The following STAG1 variants were observed in gnomAD, a reference collection of about 807,000 sequenced individuals.
The protein encoded by STAG1 is STAG1 cohesin complex component.
In STAG1, 26 loss-of-function variants were observed where a neutral mutation model predicts 170.9. The observed-to-expected ratio is 0.15, with a 90% CI of 0.11 to 0.21. STAG1 has a LOEUF of 0.21. Ranked by LOEUF, STAG1 falls within the 10% of genes least tolerant of loss-of-function variation. The pLI is 1.00. For missense variants in STAG1, 964 were observed against 1,509.5 expected (o/e 0.64, Z 5.99); for synonymous variants, 514 against 497.7 (o/e 1.03, Z -0.44).
At chr3:136,361,947 TA>T (rs1217421061) in intron 26 of STAG1, among the ~76,000 whole-genome samples, 4 of 151,714 alleles carry the variant, frequency 2.6e-5, no homozygotes, top group Non-Finnish European at 4.4e-5. Context: ...TATATATAAT[TA>T]ATGCTTCTTT....
rs772111052 is a variant in STAG1, at chr3:136,518,425, G to C, written c.676+2788C>G. 43 of 699,426 alleles carry C rather than the reference G, an allele frequency of 6.1e-5. 1 individual carries two copies. The Middle Eastern group carries it at 1.6e-3, about 26-fold the overall frequency. The allele number at this position is 699,426 out of a possible 1,614,324, so 43.3% of individuals were successfully genotyped here. On this transcript the variant is annotated intron_variant, in intron 7 of 33. Coordinates refer to ENST00000383202, the MANE Select transcript of STAG1 (RefSeq NM_005862.3). ...GTCCCCAAGACTTGTCCTGCAAAGT[G>C]AATAAAAATGATTATCTTTTAATCT...
At chr3:136,628,257 A>G (rs1450746677) in intron 2 of STAG1, among the ~76,000 whole-genome samples, 2 of 152,192 alleles carry the variant, frequency 1.3e-5, no homozygotes, top group Non-Finnish European at 2.9e-5. Flanking sequence ...AGGCCTCGCC[A>G]GCCATGCCAT....
chr3:136,735,135 G>A (rs1444735786), intron 1 of STAG1, among the ~76,000 whole-genome samples: 1 of 150,180 alleles, frequency 6.7e-6, no homozygotes, highest in East Asian at 1.9e-4. Context: ...TTTTTTTTTG[G>A]AGATGGACTT....
intron 13 of STAG1, among the ~76,000 whole-genome samples, chr3:136,464,572 A>C (rs2089397425): frequency 6.6e-6 from 1 of 152,130 alleles, no homozygotes; most frequent in African/African-American, 2.4e-5. Context: ...TTAAAGAAAA[A>C]ACTAGTGTGA....
chr3:136,721,843 G>T (rs565459608), intron 1 of STAG1, among the ~76,000 whole-genome samples: 2 of 151,850 alleles, frequency 1.3e-5, no homozygotes, highest in South Asian at 2.1e-4. Context: ...AGAATGGCAT[G>T]AACCCGGGAG....
chr3:136,581,536 G>C (rs1000617592), intron 4 of STAG1, among the ~76,000 whole-genome samples: 1 of 152,160 alleles, frequency 6.6e-6, no homozygotes, highest in African/African-American at 2.4e-5. Flanking sequence ...GTATTTAAAT[G>C]ATGACCCTCA....
At chr3:136,714,971 T>C (rs1185513905) in intron 1 of STAG1, among the ~76,000 whole-genome samples, 3 of 108,878 alleles carry the variant, frequency 2.8e-5, no homozygotes, top group Non-Finnish European at 6.2e-5. Flanking sequence ...ATATTTTATA[T>C]ATATATTTTT....
chr3:136,664,432 GCATTCCA>G (rs1206433359), intron 1 of STAG1, among the ~76,000 whole-genome samples: 2 of 152,138 alleles, frequency 1.3e-5, no homozygotes, highest in Non-Finnish European at 2.9e-5. Context: ...AGACACTAAA[GCATTCCA>G]CTCCCAAAAT....
At position 136,667,177 on chromosome 3, in the gene STAG1, A is replaced by T. The variant is rs577472965; in HGVS notation, c.-83-36196T>A. On this transcript the variant is annotated intron_variant, in intron 1 of 33. Transcript: ENST00000383202. ...TAACATCACCAGTAAACAAAAATTTAAAAATGGAGGAGAAAAGGTAAAAGA... is the reference window on the plus strand; with the variant it reads ...TAACATCACCAGTAAACAAAAATTTTAAAATGGAGGAGAAAAGGTAAAAGA... 2.4e-4 allele frequency among the ~76,000 whole-genome samples: 36 copies of T among 152,350 alleles called. 1 individual carries two copies. The highest frequency in any genetic ancestry group is 5.1e-4 in the African/African-American group (21 of 41,584).
At chr3:136,553,973 T>TA (rs1278406179) in intron 5 of STAG1, among the ~76,000 whole-genome samples, 2 of 151,474 alleles carry the variant, frequency 1.3e-5, no homozygotes, top group Non-Finnish European at 2.9e-5. Flanking sequence ...CAGACTGAAT[T>TA]AAAAAAATAC....
chr3:136,644,266 C>G (rs1285616546), intron 1 of STAG1, among the ~76,000 whole-genome samples: 1 of 152,144 alleles, frequency 6.6e-6, no homozygotes, highest in Non-Finnish European at 1.5e-5. Flanking sequence ...ATTCCCCCAA[C>G]AGAAGGTTTT....
At chr3:136,515,020 C>G (rs1229796746) in intron 7 of STAG1, among the ~76,000 whole-genome samples, 1 of 152,014 alleles carries the variant, frequency 6.6e-6, no homozygotes, top group African/African-American at 2.4e-5. Flanking sequence ...TGTAACAAAC[C>G]TGCACATTGT....
intron 23 of STAG1, among the ~76,000 whole-genome samples, chr3:136,373,249 A>G (rs1335779013): frequency 1.3e-5 from 2 of 151,420 alleles, no homozygotes; most frequent in African/African-American, 4.9e-5. Context: ...TTTCTTCTTT[A>G]TTAGTCTTGC....
rs754781705 is a variant in STAG1, at chr3:136,337,283, T to G, written c.*971A>C. ...ACACTTAAAATTACTTTTGAATGAT[T>G]GATAAAGGATTTCTTCATGATTGAT... On this transcript the variant is annotated 3_prime_UTR_variant, in exon 34 of 34. Coordinates refer to ENST00000383202, the MANE Select transcript of STAG1 (RefSeq NM_005862.3). 1.3e-5 allele frequency: 2 copies of G among 152,616 alleles called. No individual in the cohort carries two copies. Among genetic ancestry groups the G allele is most frequent in the Non-Finnish European group, 2.9e-5 (2 of 68,022 alleles). The allele number at this position is 152,616 out of a possible 1,614,324, so 9.5% of individuals were successfully genotyped here.
chr3:136,389,925 G>A (rs1282345370), intron 22 of STAG1, among the ~76,000 whole-genome samples: 5 of 150,698 alleles, frequency 3.3e-5, no homozygotes, highest in East Asian at 2.0e-4. Context: ...TCTGCCTCCC[G>A]GGTTCCAGCG....
chr3:136,639,710 T>C (rs540102542), intron 1 of STAG1, among the ~76,000 whole-genome samples: 4 of 152,312 alleles, frequency 2.6e-5, no homozygotes, highest in African/African-American at 9.6e-5. Flanking sequence ...TATAGCCCCA[T>C]GATTTTCATA....
At position 136,712,372 on chromosome 3, in the gene STAG1, TACAGAATGGGAGAAG is replaced by T. The variant is rs564058494; in HGVS notation, c.-84+39808_-84+39822del. Among the ~76,000 whole-genome samples the T allele has an allele frequency of 2.3e-4, 35 of 152,194 alleles. No homozygotes were observed. In the South Asian group the frequency reaches 6.8e-3, roughly 30 times the overall value. Reference sequence around the variant, plus strand: ...ATATAAAAAGGCACCACAGGCAAACTACAGAATGGGAGAAGACATAAGTAACCTACTTAAACTGAC... The same window carrying T: ...ATATAAAAAGGCACCACAGGCAAACTACATAAGTAACCTACTTAAACTGAC... On this transcript the variant is annotated intron_variant, in intron 1 of 33. Coordinates refer to ENST00000383202, the MANE Select transcript of STAG1 (RefSeq NM_005862.3).
At chr3:136,505,999 A>G (rs1057437469) in intron 7 of STAG1, among the ~76,000 whole-genome samples, 1 of 152,190 alleles carries the variant, frequency 6.6e-6, no homozygotes, top group Non-Finnish European at 1.5e-5. Context: ...AGGAAGGAAG[A>G]GGCCAGATTA....
intron 12 of STAG1, among the ~76,000 whole-genome samples, chr3:136,466,855 T>C (rs923892400): frequency 6.6e-6 from 1 of 152,204 alleles, no homozygotes; most frequent in Non-Finnish European, 1.5e-5. Context: ...CATCCAACAT[T>C]CTTCAAGAAA....
Sources: gnomAD v4.1 joint callset for allele counts (sites outside exome capture counted in the v4.1 genomes callset) on GRCh38, gnomAD v4.1.1 for gene constraint, MANE v1.5 for transcripts, NCBI Gene and HGNC (gene_info 2026-07-23, HGNC 2026-07-21) for gene names.